CSKMT: variants seen among roughly 807,000 people sequenced by gnomAD.
CSKMT encodes citrate synthase-lysine N-methyltransferase CSKMT, mitochondrial.
CSKMT carries 6 observed loss-of-function variants against 4.6 expected under a neutral mutation model. That is an observed-to-expected ratio of 1.31 (90% confidence interval 0.72 to 2.59). The LOEUF is 2.59. Among genes scored for constraint, CSKMT ranks in the 30% most tolerant of loss-of-function variants. CSKMT has a pLI of 0.00. For synonymous variants in CSKMT, 142 were observed against 128.9 expected (o/e 1.10, Z -0.69); for missense variants, 328 against 298.0 (o/e 1.10, Z -0.74).
chr11:62,665,764 GC>G lies in CSKMT; in HGVS notation c.-114del, dbSNP rs1944790359. ...ACTGCAGAGTTCGGGGAAGCTGTAC[GC>G]CGCCTTTCGCTACGCGGAATTTGCA... On this transcript the variant is annotated 5_prime_UTR_variant, in exon 2 of 3. Coordinates refer to ENST00000532971, the MANE Select transcript of CSKMT (RefSeq NM_001043229.2). 1 of 1,514,954 alleles carries G rather than the reference GC, an allele frequency of 6.6e-7. No individual in the cohort carries two copies. The highest frequency in any genetic ancestry group is 1.3e-5 in the South Asian group (1 of 79,994). The allele number at this position is 1,514,954 out of a possible 1,614,324, so 93.8% of individuals were successfully genotyped here.
In CSKMT at chr11:62,667,790, T is replaced by G. The variant is rs747396088; in HGVS notation, c.*739T>G. The G allele has an allele frequency of 8.1e-6, 11 of 1,361,642 alleles. No homozygotes were observed. Among genetic ancestry groups the G allele is most frequent in the Non-Finnish European group, 1.1e-5 (11 of 968,172 alleles). The allele number at this position is 1,361,642 out of a possible 1,614,324, so 84.3% of individuals were successfully genotyped here. On this transcript the variant is annotated 3_prime_UTR_variant, in exon 3 of 3. Coordinates refer to ENST00000532971, the MANE Select transcript of CSKMT (RefSeq NM_001043229.2). ...AGGGGACAAAAATATTACTGATATA[T>G]TATCAAATTACAAAACTAGGCCAGG... is the stretch of plus-strand genomic sequence containing the variant.
Position 62,665,345 on chromosome 11 carries a change from T to C in CSKMT, c.-234+13T>C, listed in dbSNP as rs559826678. The C allele has an allele frequency of 1.2e-6, 1 of 805,712 alleles. No individual in the cohort carries two copies. The highest frequency in any genetic ancestry group is 1.6e-5 in the South Asian group (1 of 64,050). 49.9% of individuals were successfully genotyped at this position (805,712 alleles called of 1,614,324 possible). A position where few individuals can be genotyped will look rare whatever the true frequency, so the allele number is the denominator to read the frequency against. On this transcript the variant is annotated intron_variant, in intron 1 of 2. Transcript: ENST00000532971. ...GGGTGGTGAGCTAGTAAGTGTGGTT[T>C]TAGCTGTAGTAGCCAGATTGGGCGG... is the stretch of plus-strand genomic sequence containing the variant.
In CSKMT at chr11:62,668,069, C is replaced by A; in HGVS notation, c.*1018C>A. 4.2e-6 allele frequency: 1 copy of A among 239,310 alleles called. No individual in the cohort carries two copies. The highest frequency in any genetic ancestry group is 2.2e-5 in the African/African-American group (1 of 44,992). 14.8% of individuals were successfully genotyped at this position (239,310 alleles called of 1,614,324 possible). A position where few individuals can be genotyped will look rare whatever the true frequency, so the allele number is the denominator to read the frequency against. On this transcript the variant is annotated 3_prime_UTR_variant, in exon 3 of 3. Transcript: ENST00000532971. ...AAATTAATTTCTGTGGTATTTTTTG[C>A]TTATAAAAAAATAGAGCAATTATAT...
chr11:62,666,008 G>T (rs1412324785), intron 2 of CSKMT, 62 bp downstream of exon 2: 15 of 1,548,148 alleles, frequency 9.7e-6, no homozygotes, highest in Non-Finnish European at 1.3e-5. Context: ...GGGTAAGGTG[G>T]GTTCCTCGTG....
Position 62,665,316 on chromosome 11 carries a change from C to CG in CSKMT, c.-248dup. On this transcript the variant is annotated 5_prime_UTR_variant, in exon 1 of 3. Coordinates refer to ENST00000532971, the MANE Select transcript of CSKMT (RefSeq NM_001043229.2). ...GAGCTCCGCGGTGCGGGAGGCCTTT[C>CG]GGAGGGTGGTGAGCTAGTAAGTGTG... 1 of 728,458 alleles carries CG rather than the reference C, an allele frequency of 1.4e-6. No homozygotes were observed. The highest frequency in any genetic ancestry group is 2.7e-5 in the East Asian group (1 of 37,278). The allele number at this position is 728,458 out of a possible 1,614,324, so 45.1% of individuals were successfully genotyped here.
At chr11:62,665,501 C>A in intron 1 of CSKMT, 146 bp from the exon 2 acceptor site, 2 of 1,573,808 alleles carry the variant, frequency 1.3e-6, no homozygotes, top group Admixed American at 1.7e-5. Flanking sequence ...GCTCTGGCCC[C>A]CTCGGCGTCA....
In CSKMT at chr11:62,667,527, A is replaced by G; in HGVS notation, c.*476A>G. 1 of 1,613,756 alleles carries G rather than the reference A, an allele frequency of 6.2e-7. No homozygotes were observed. Among genetic ancestry groups the G allele is most frequent in the African/African-American group, 1.3e-5 (1 of 75,048 alleles). ...GGGGGAGGGAACAATACTTACCCTC[A>G]AAGCTATTAGGAGGCAGGAGATGGG... is the stretch of plus-strand genomic sequence containing the variant. On this transcript the variant is annotated 3_prime_UTR_variant, in exon 3 of 3. Coordinates refer to ENST00000532971, the MANE Select transcript of CSKMT (RefSeq NM_001043229.2).
In CSKMT at chr11:62,666,858, C is replaced by T; in HGVS notation, c.530C>T (p.Ala177Val). Residue 177 changes from alanine (A) to valine (V), a missense_variant, in exon 3 of 3, where the codon GCT becomes GTT. By Grantham distance (64) the Ala-to-Val change is moderately conservative (BLOSUM62 0). Transcript: ENST00000532971. ...GTTGCCCGGGGAGGTCTGCCTAGGG[C>T]TTACCAGCTTCTATCAGAATGCTTG... ...DAVARGGLPR[A>V]YQLLSECLRV... is the part of the protein sequence containing the mutation. The T allele has an allele frequency of 1.2e-6, 2 of 1,614,170 alleles. No individual in the cohort carries two copies. The highest frequency in any genetic ancestry group is 1.7e-6 in the Non-Finnish European group (2 of 1,180,028).
At position 62,667,337 on chromosome 11, in the gene CSKMT, CTG is replaced by C. The variant is rs2134635868; in HGVS notation, c.*287_*288del. The C allele has an allele frequency of 3.0e-6, 2 of 668,540 alleles. No individual in the cohort carries two copies. The highest frequency in any genetic ancestry group is 2.7e-5 in the East Asian group (1 of 36,672). The allele number at this position is 668,540 out of a possible 1,614,324, so 41.4% of individuals were successfully genotyped here. ...TGGGTCATTCCCCAGTTTCAACTAACTGGAGCTCCTAAAAGCAGCAGACAGGA... is the reference window on the plus strand; with the variant it reads ...TGGGTCATTCCCCAGTTTCAACTAACGAGCTCCTAAAAGCAGCAGACAGGA... On this transcript the variant is annotated 3_prime_UTR_variant, in exon 3 of 3. Transcript: ENST00000532971.
Sources: allele counts gnomAD v4.1 joint callset, GRCh38; gene constraint gnomAD v4.1.1; transcripts MANE v1.5; gene names NCBI Gene and HGNC (gene_info 2026-07-23, HGNC 2026-07-21).